The following TYW1B variants were observed in gnomAD, a reference collection of about 807,000 sequenced individuals.
TYW1B encodes S-adenosyl-L-methionine-dependent tRNA 4-demethylwyosine synthase TYW1B.
Under a neutral mutation model 86.9 loss-of-function variants are expected in TYW1B, and 73 were observed. The ratio of observed to expected loss-of-function variants is 0.84; its 90% confidence interval spans 0.70 to 1.02. The LOEUF is 1.02. Ranked by LOEUF, TYW1B falls within the 50% of genes least tolerant of loss-of-function variation. The pLI is 0.00. For missense variants in TYW1B, 637 were observed against 827.4 expected (o/e 0.77, Z 2.82); for synonymous variants, 248 against 292.8 (o/e 0.85, Z 1.56).
intron 10 of TYW1B, among the ~76,000 whole-genome samples, chr7:72,698,594 C>T (rs1220981988): frequency 6.0e-5 from 9 of 150,658 alleles, no homozygotes; most frequent in African/African-American, 2.0e-4. Flanking sequence ...TGCAGTGAGC[C>T]GAGATCACGC....
chr7:72,691,736 A>C (rs1362571811), intron 11 of TYW1B, among the ~76,000 whole-genome samples: 1 of 152,286 alleles, frequency 6.6e-6, no homozygotes, highest in East Asian at 1.9e-4. Flanking sequence ...TTAGAAACTA[A>C]AGAGGCCTTT....
chr7:72,672,479 C>CACAA (rs1175599591), intron 11 of TYW1B, among the ~76,000 whole-genome samples: 2 of 146,874 alleles, frequency 1.4e-5, no homozygotes, highest in Non-Finnish European at 3.0e-5. Context: ...CACAAACACA[C>CACAA]ACACACACAC....
intron 13 of TYW1B, among the ~76,000 whole-genome samples, chr7:72,589,644 A>C (rs1265122217): frequency 3.3e-5 from 5 of 152,230 alleles, no homozygotes; most frequent in African/African-American, 1.2e-4. Flanking sequence ...TGGGAGGCCA[A>C]GGCAGGTGGA....
chr7:72,655,415 C>T (rs1477617865), intron 11 of TYW1B, among the ~76,000 whole-genome samples: 1 of 152,174 alleles, frequency 6.6e-6, no homozygotes, highest in Non-Finnish European at 1.5e-5. Context: ...CATCACAGCA[C>T]CGTATTGAGC....
chr7:72,609,104 G>A (rs1168933772), intron 13 of TYW1B, among the ~76,000 whole-genome samples: 5 of 152,188 alleles, frequency 3.3e-5, no homozygotes, highest in African/African-American at 1.2e-4. Flanking sequence ...AGACCTTTCT[G>A]TACCATTTTG....
rs60691255 is a variant in TYW1B, at chr7:72,667,031, CAAA to C, written c.1506+27653_1506+27655del. On this transcript the variant is annotated intron_variant, in intron 11 of 13. Coordinates refer to ENST00000620995, the MANE Select transcript of TYW1B (RefSeq NM_001145440.3). ...TGGGAGAGAGAGCGAGACTCCGTCTCAAAAAAAAAAAAAAAAAAAAGAAACTAA... is the reference window on the plus strand; with the variant it reads ...TGGGAGAGAGAGCGAGACTCCGTCTCAAAAAAAAAAAAAAAAAGAAACTAA... Among the ~76,000 whole-genome samples the C allele has an allele frequency of 2.4e-4, 10 of 42,376 alleles. No individual in the cohort carries two copies. The East Asian group carries it at 2.6e-3, about 11-fold the overall frequency. 27.8% of individuals were successfully genotyped at this position (42,376 alleles called of 152,430 possible).
intron 2 of TYW1B, among the ~76,000 whole-genome samples, chr7:72,822,019 G>A (rs1333979160): frequency 6.6e-6 from 1 of 151,782 alleles, no homozygotes; most frequent in African/African-American, 2.4e-5. Flanking sequence ...GCCGAGGCGG[G>A]TGAATCACTT....
At chr7:72,815,290 A>G in intron 3 of TYW1B, 90 bp downstream of exon 3, 9 of 1,135,360 alleles carry the variant, frequency 7.9e-6, no homozygotes, top group Non-Finnish European at 1.1e-5. Flanking sequence ...ATTTATTCTG[A>G]AGATTCTAGT....
At chr7:72,720,572 A>G (rs1554457184) in intron 9 of TYW1B, among the ~76,000 whole-genome samples, 2 of 152,192 alleles carry the variant, frequency 1.3e-5, no homozygotes, top group South Asian at 2.1e-4. Flanking sequence ...TAAGATATTG[A>G]GAAGCTTATG....
At chr7:72,698,747 C>T (rs1235068526) in intron 10 of TYW1B, among the ~76,000 whole-genome samples, 1 of 152,088 alleles carries the variant, frequency 6.6e-6, no homozygotes, top group Non-Finnish European at 1.5e-5. Flanking sequence ...AACCCTGCAC[C>T]ATGATGGCAA....
intron 11 of TYW1B, among the ~76,000 whole-genome samples, chr7:72,643,257 G>A (rs1165276004): frequency 6.6e-6 from 1 of 152,072 alleles, no homozygotes; most frequent in Non-Finnish European, 1.5e-5. Flanking sequence ...AAAATTACTT[G>A]TAAAAAAATT....
intron 10 of TYW1B, among the ~76,000 whole-genome samples, chr7:72,712,244 C>T (rs1360643571): frequency 6.6e-6 from 1 of 152,068 alleles, no homozygotes; most frequent in Non-Finnish European, 1.5e-5. Flanking sequence ...TGGCTGGAAC[C>T]CTCGGTGTAA....
chr7:72,791,725 G>A (rs1161130947), intron 6 of TYW1B, among the ~76,000 whole-genome samples: 3 of 152,196 alleles, frequency 2.0e-5, no homozygotes, highest in Non-Finnish European at 4.4e-5. Context: ...TGCAGTGAGC[G>A]AGATGGCGCC....
chr7:72,659,679 G>A (rs1227178804), intron 11 of TYW1B, among the ~76,000 whole-genome samples: 24 of 152,166 alleles, frequency 1.6e-4, no homozygotes, highest in Admixed American at 6.6e-4. Flanking sequence ...ACCGGGTGGT[G>A]GGGTGAGGGA....
chr7:72,821,596 C>T (rs1788828391), intron 2 of TYW1B, among the ~76,000 whole-genome samples: 1 of 152,148 alleles, frequency 6.6e-6, no homozygotes. Flanking sequence ...TTTGGAGAGC[C>T]TCTCTATGGT....
intron 11 of TYW1B, among the ~76,000 whole-genome samples, chr7:72,665,236 T>C (rs1554445064): frequency 6.6e-6 from 1 of 152,262 alleles, no homozygotes; most frequent in Non-Finnish European, 1.5e-5. Context: ...ATCTTTGTAC[T>C]GTCTACTCAA....
In TYW1B at chr7:72,667,031, C is replaced by CAAA. The variant is rs60691255; in HGVS notation, c.1506+27653_1506+27655dup. Among the ~76,000 whole-genome samples the CAAA allele has an allele frequency of 4.0e-4, 17 of 42,372 alleles. No individual in the cohort carries two copies. The East Asian group carries it at 7.1e-3, about 18-fold the overall frequency. The allele number at this position is 42,372 out of a possible 152,430, so 27.8% of individuals were successfully genotyped here. ...TGGGAGAGAGAGCGAGACTCCGTCT[C>CAAA]AAAAAAAAAAAAAAAAAAAAGAAAC... On this transcript the variant is annotated intron_variant, in intron 11 of 13. Transcript: ENST00000620995.
At chr7:72,826,570 C>A (rs1318123393) in intron 2 of TYW1B, among the ~76,000 whole-genome samples, 3 of 152,070 alleles carry the variant, frequency 2.0e-5, no homozygotes, top group Admixed American at 1.3e-4. Context: ...GGACTACTGA[C>A]CCTTAAAGGT....
At chr7:72,622,672 A>G (rs1297784589) in intron 12 of TYW1B, among the ~76,000 whole-genome samples, 1 of 151,870 alleles carries the variant, frequency 6.6e-6, no homozygotes, top group Non-Finnish European at 1.5e-5. Context: ...ACATGCACAT[A>G]CACATAACAC....
Sources: allele counts gnomAD v4.1 joint callset (sites outside exome capture counted in the v4.1 genomes callset), GRCh38; gene constraint gnomAD v4.1.1; transcripts MANE v1.5; gene names NCBI Gene and HGNC (gene_info 2026-07-23, HGNC 2026-07-21).